NUP210L: variants seen among roughly 807,000 people sequenced by gnomAD.
The protein encoded by NUP210L is nuclear pore membrane glycoprotein 210-like.
A neutral mutation model predicts 208.5 loss-of-function variants in NUP210L; 74 were observed. The observed-to-expected ratio is 0.35, with a 90% confidence interval of 0.29 to 0.43. NUP210L has a LOEUF of 0.43. NUP210L is among the 20% of genes least tolerant of loss of function. NUP210L has a pLI of 1.00. For missense variants in NUP210L, 1,843 were observed against 2,289.4 expected (o/e 0.81, Z 3.98); for synonymous variants, 780 against 816.9 (o/e 0.95, Z 0.77).
chr1:154,038,921 GT>G (rs1400483382), intron 27 of NUP210L, among the ~76,000 whole-genome samples: 2 of 152,070 alleles, frequency 1.3e-5, no homozygotes, highest in Admixed American at 6.6e-5. Flanking sequence ...TATCTCTCCT[GT>G]TTTTTAACTT....
At chr1:154,134,799 G>A (rs972361663) in intron 7 of NUP210L, among the ~76,000 whole-genome samples, 3 of 149,326 alleles carry the variant, frequency 2.0e-5, no homozygotes, top group South Asian at 2.2e-4. Flanking sequence ...GCAGTGGTGC[G>A]ATCTTGGCTC....
At chr1:154,150,479 G>A (rs1659324926) in intron 2 of NUP210L, among the ~76,000 whole-genome samples, 2 of 152,256 alleles carry the variant, frequency 1.3e-5, no homozygotes, top group East Asian at 3.9e-4. Flanking sequence ...TGTAATCCCA[G>A]CACTTTGGGG....
intron 15 of NUP210L, among the ~76,000 whole-genome samples, chr1:154,090,698 C>T (rs1655858683): frequency 6.6e-6 from 1 of 151,972 alleles, no homozygotes; most frequent in African/African-American, 2.4e-5. Context: ...GTAGTCCCAG[C>T]TACTTGGGAG....
intron 7 of NUP210L, among the ~76,000 whole-genome samples, chr1:154,134,838 A>C (rs1484752351): frequency 6.7e-6 from 1 of 148,994 alleles, no homozygotes; most frequent in African/African-American, 2.4e-5. Flanking sequence ...CGGGGGTTCA[A>C]GCGATTCTCC....
At chr1:154,032,247 T>C (rs1356285713) in intron 27 of NUP210L, among the ~76,000 whole-genome samples, 1 of 152,194 alleles carries the variant, frequency 6.6e-6, no homozygotes, top group African/African-American at 2.4e-5. Context: ...GATCATATGG[T>C]AGTTTTATAT....
At chr1:154,103,947 A>G in intron 13 of NUP210L, 65 bp downstream of exon 13, 1 of 1,241,662 alleles carries the variant, frequency 8.1e-7, no homozygotes, top group South Asian at 1.4e-5. Flanking sequence ...AATCTGTCAC[A>G]GTGGTAGAGT....
intron 20 of NUP210L, among the ~76,000 whole-genome samples, chr1:154,059,234 A>C (rs1654019940): frequency 6.6e-6 from 1 of 152,026 alleles, no homozygotes; most frequent in South Asian, 2.1e-4. Context: ...GTTACTCAGG[A>C]GGCTGAGGGA....
intron 37 of NUP210L, chr1:153,995,773 A>G (rs879238670): frequency 1.5e-6 from 1 of 677,058 alleles, no homozygotes; most frequent in South Asian, 1.4e-5. Flanking sequence ...TGCATGTGGC[A>G]TGTGCCCAGG....
At position 154,060,460 on chromosome 1, in the gene NUP210L, C is replaced by A. The variant is rs1571224980; in HGVS notation, c.2850+80G>T. ...TGTTACTTCTGTAACAAGTTTTAGA[C>A]ACAAAATGGAATTTTTCCAATCTCC... On this transcript the variant is annotated intron_variant, in intron 20 of 39. Coordinates refer to ENST00000368559, the Ensembl canonical transcript of NUP210L. 7 of 851,354 alleles carry A rather than the reference C, an allele frequency of 8.2e-6. No homozygotes were observed. In the East Asian group the frequency reaches 1.5e-4, roughly 19 times the overall value. The allele number at this position is 851,354 out of a possible 1,614,324, so 52.7% of individuals were successfully genotyped here.
At chr1:154,104,525 G>T in intron 12 of NUP210L, 1 of 295,070 alleles carries the variant, frequency 3.4e-6, no homozygotes, top group East Asian at 8.9e-5. Flanking sequence ...GAGAATCTGT[G>T]CACCTGGGGA....
At chr1:154,119,286 G>T (rs1482846905) in intron 10 of NUP210L, among the ~76,000 whole-genome samples, 1 of 152,064 alleles carries the variant, frequency 6.6e-6, no homozygotes, top group Non-Finnish European at 1.5e-5. Flanking sequence ...CCAACTTTTT[G>T]TGTAAGGTTC....
At chr1:154,055,135 CTTTCTTTCTTTCTTTCTTTCT>C (rs1653763045) in intron 23 of NUP210L, among the ~76,000 whole-genome samples, 1 of 70,544 alleles carries the variant, frequency 1.4e-5, no homozygotes. Flanking sequence ...TTCTTTCTTT[CTTTCTTTCTTTCTTTCTTTCT>C]TTCTTTCTTT....
At chr1:154,062,879 CT>C (rs1198066012) in intron 17 of NUP210L, among the ~76,000 whole-genome samples, 1 of 151,912 alleles carries the variant, frequency 6.6e-6, no homozygotes, top group Non-Finnish European at 1.5e-5. Flanking sequence ...TGCACATGGC[CT>C]TTTTTTCTTT....
intron 1 of NUP210L, among the ~76,000 whole-genome samples, chr1:154,154,383 C>T (rs996571183): frequency 2.0e-5 from 3 of 152,188 alleles, no homozygotes; most frequent in Non-Finnish European, 4.4e-5. Context: ...CATTGAATAG[C>T]TCATCTATAG....
chr1:154,000,999 C>G, exon 37 of NUP210L: 3 of 1,614,082 alleles, frequency 1.9e-6, no homozygotes, highest in Non-Finnish European at 2.5e-6. Context: ...AATGGCCAGG[C>G]CAGGAGTGAG....
chr1:154,118,693 A>G, exon 11 of NUP210L: 1 of 1,601,288 alleles, frequency 6.2e-7, no homozygotes, highest in African/African-American at 1.3e-5. Context: ...ACGATATAAC[A>G]TTCCCATAGG....
At chr1:154,017,449 T>TAAG (rs1651321748) in intron 33 of NUP210L, among the ~76,000 whole-genome samples, 1 of 152,062 alleles carries the variant, frequency 6.6e-6, no homozygotes. Context: ...TGAAATACTT[T>TAAG]CTTCATTTGC....
rs561577636 is a variant in NUP210L at position 154,024,796 on chromosome 1, T to C, written c.4122+746A>G. The stretch of plus-strand genomic sequence containing the variant: ...ATTCTCCTGCCTCAGCCTTCCAAAG[T>C]GCTGGGCTTACAGGCGTGAGTCACC... On this transcript the variant is annotated intron_variant, in intron 30 of 39. Coordinates refer to ENST00000368559, the Ensembl canonical transcript of NUP210L. Among the ~76,000 whole-genome samples the C allele has an allele frequency of 3.1e-3, 477 of 151,552 alleles. 3 individuals carry two copies. Among genetic ancestry groups the C allele is most frequent in the Middle Eastern group, 3.4e-3 (1 of 294 alleles).
chr1:154,005,057 T>C (rs541419841), intron 35 of NUP210L, among the ~76,000 whole-genome samples: 1 of 150,834 alleles, frequency 6.6e-6, no homozygotes, highest in Admixed American at 6.6e-5. Context: ...TTTCACCATG[T>C]TGGTCAGGCT....
Sources: allele counts gnomAD v4.1 joint callset (sites outside exome capture counted in the v4.1 genomes callset), GRCh38; gene constraint gnomAD v4.1.1; transcripts MANE v1.5; gene names NCBI Gene and HGNC (gene_info 2026-07-23, HGNC 2026-07-21).